ROCK1: variants seen among roughly 807,000 people sequenced by gnomAD.
The protein encoded by ROCK1 is rho-associated protein kinase 1.
A neutral mutation model predicts 196.8 loss-of-function variants in ROCK1; 36 were observed. The ratio of observed to expected loss-of-function variants is 0.18; its 90% CI spans 0.14 to 0.24. The LOEUF is 0.24. Ranked by LOEUF, ROCK1 falls within the 10% of genes least tolerant of loss-of-function variation. The pLI is 1.00. For missense variants in ROCK1, 920 were observed against 1,562.0 expected, an observed-to-expected ratio of 0.59 and a Z score of 6.93; for synonymous variants, 443 against 515.9, an observed-to-expected ratio of 0.86 and a Z score of 1.91.
intron 2 of ROCK1, among the ~76,000 whole-genome samples, chr18:21,065,904 G>T (rs759717991): frequency 6.6e-6 from 1 of 151,984 alleles, no homozygotes; most frequent in Non-Finnish European, 1.5e-5. Flanking sequence ...AAATTAACAG[G>T]TTGCAATATA....
At chr18:21,038,919 G>A (rs1214557669) in intron 9 of ROCK1, among the ~76,000 whole-genome samples, 5 of 152,170 alleles carry the variant, frequency 3.3e-5, no homozygotes, top group Non-Finnish European at 1.5e-5. Flanking sequence ...AAGTAAGAAA[G>A]TGTTCTAAAC....
intron 27 of ROCK1, among the ~76,000 whole-genome samples, chr18:20,962,679 A>G (rs778526797): frequency 6.6e-6 from 1 of 152,172 alleles, no homozygotes; most frequent in Non-Finnish European, 1.5e-5. Flanking sequence ...ACATTTGCTC[A>G]TATTTAAATT....
At chr18:21,073,481 C>A (rs1317868991) in intron 1 of ROCK1, among the ~76,000 whole-genome samples, 1 of 152,042 alleles carries the variant, frequency 6.6e-6, no homozygotes, top group African/African-American at 2.4e-5. Flanking sequence ...CTGGATAAAT[C>A]TGAATTAACA....
At chr18:21,103,175 T>A (rs11876588) in intron 1 of ROCK1, among the ~76,000 whole-genome samples, 4,706 of 152,086 alleles carry the variant, frequency 0.031, 257 homozygotes, top group African/African-American at 0.1. Flanking sequence ...GATATACAAA[T>A]AAAAAATTAC....
At chr18:21,049,961 A>G (rs1434063107) in intron 2 of ROCK1, 81 bp from the exon 3 acceptor site, 3 of 650,124 alleles carry the variant, frequency 4.6e-6, no homozygotes, top group Non-Finnish European at 7.5e-6. Context: ...CGAGTTCTTA[A>G]GAAACACAAT....
At chr18:21,043,596 A>G (rs2036129202) in intron 6 of ROCK1, among the ~76,000 whole-genome samples, 1 of 147,758 alleles carries the variant, frequency 6.8e-6, no homozygotes, top group Non-Finnish European at 1.5e-5. Flanking sequence ...ATACATATAC[A>G]TAATATGTAT....
intron 2 of ROCK1, among the ~76,000 whole-genome samples, chr18:21,059,141 C>T (rs1360645341): frequency 6.6e-6 from 1 of 152,146 alleles, no homozygotes; most frequent in African/African-American, 2.4e-5. Flanking sequence ...AGATAAGATA[C>T]TCCCCACAAC....
At chr18:21,082,071 G>C (rs1479730404) in intron 1 of ROCK1, among the ~76,000 whole-genome samples, 1 of 151,992 alleles carries the variant, frequency 6.6e-6, no homozygotes, top group East Asian at 1.9e-4. Flanking sequence ...TCCAGCCTCA[G>C]CCTCCTGAGT....
intron 24 of ROCK1, 58 bp from the exon 25 acceptor site, chr18:20,968,918 A>C: frequency 8.7e-7 from 1 of 1,155,774 alleles, no homozygotes; most frequent in African/African-American, 1.5e-5. Flanking sequence ...TCTGCATTTC[A>C]AACTAACAAT....
chr18:21,026,444 C>CG lies in ROCK1; in HGVS notation c.1211+2331dup, dbSNP rs1394324054. On this transcript the variant is annotated intron_variant, in intron 10 of 32. Transcript: ENST00000399799. ...GGGCAACAAGAGCAAAACTCTGTCT[C>CG]GAAAAAAAAAAAAAAAAAAAAAAAA... is the stretch of plus-strand genomic sequence containing the variant. 2.2e-4 allele frequency among the ~76,000 whole-genome samples: 17 copies of CG among 77,244 alleles called. No individual in the cohort carries two copies. The Admixed American group carries it at 2.3e-3, about 11-fold the overall frequency. The allele number at this position is 77,244 out of a possible 152,430, so 50.7% of individuals were successfully genotyped here.
chr18:21,091,705 TCA>T, intron 1 of ROCK1, among the ~76,000 whole-genome samples: 1 of 152,344 alleles, frequency 6.6e-6, no homozygotes, highest in African/African-American at 2.4e-5. Context: ...GCAGAGTGGC[TCA>T]CACCTGTAAT....
At chr18:21,074,865 G>C (rs1245479864) in intron 1 of ROCK1, among the ~76,000 whole-genome samples, 3 of 152,164 alleles carry the variant, frequency 2.0e-5, no homozygotes, top group Admixed American at 6.5e-5. Flanking sequence ...GCTTCACAGA[G>C]AAGATGAAAT....
At chr18:21,045,696 T>C (rs1453404056) in intron 4 of ROCK1, among the ~76,000 whole-genome samples, 1 of 152,178 alleles carries the variant, frequency 6.6e-6, no homozygotes, top group East Asian at 1.9e-4. Context: ...ATATCCTTTC[T>C]TCATAATTTT....
At chr18:21,091,586 G>C (rs1347336582) in intron 1 of ROCK1, among the ~76,000 whole-genome samples, 2 of 152,146 alleles carry the variant, frequency 1.3e-5, no homozygotes, top group Admixed American at 6.5e-5. Context: ...CTGGGTGACA[G>C]AGCGAGATTC....
Position 20,966,933 on chromosome 18 carries a change from A to T in ROCK1, c.3336T>A (p.Thr1112=). ...SVASFPSADE[T]DGNLPESRIE... ...TATTCTTACCTGGGAGGTTACCATC[A>T]GTTTCATCAGCACTAGGAAAACTAG... Residue 1112 remains threonine, a synonymous_variant, in exon 27 of 33, where the codon ACT becomes ACA. Transcript: ENST00000399799. The T allele has an allele frequency of 1.2e-5, 20 of 1,612,204 alleles. No homozygotes were observed. The highest frequency in any genetic ancestry group is 1.7e-5 in the Non-Finnish European group (20 of 1,178,816).
intron 13 of ROCK1, among the ~76,000 whole-genome samples, chr18:21,010,082 CCTCT>C (rs888308711): frequency 3.9e-5 from 6 of 152,036 alleles, no homozygotes; most frequent in Non-Finnish European, 7.4e-5. Flanking sequence ...TAATTTGTGT[CCTCT>C]CTTTTTCCTT....
intron 22 of ROCK1, among the ~76,000 whole-genome samples, chr18:20,979,090 A>G (rs1421632786): frequency 6.6e-6 from 1 of 152,092 alleles, no homozygotes; most frequent in Non-Finnish European, 1.5e-5. Flanking sequence ...CACTTGAAAT[A>G]GCTTTATAAG....
chr18:20,948,820 C>T lies in ROCK1; in HGVS notation c.*2564G>A, dbSNP rs140699989. The T allele has an allele frequency of 0.11, 14,285 of 132,426 alleles. No homozygotes were observed. The highest frequency in any genetic ancestry group is 0.19 in the African/African-American group (6,583 of 34,286). The allele number at this position is 132,426 out of a possible 1,614,324, so 8.2% of individuals were successfully genotyped here. ...AGATGCAGGCTGTGCTAAATGCCAGCAAGCAGGGTCATGGAAGTGCCTTTT... is the reference window on the plus strand; with the variant it reads ...AGATGCAGGCTGTGCTAAATGCCAGTAAGCAGGGTCATGGAAGTGCCTTTT... On this transcript the variant is annotated 3_prime_UTR_variant, in exon 33 of 33. Coordinates refer to ENST00000399799, the MANE Select transcript of ROCK1 (RefSeq NM_005406.3).
chr18:21,103,423 A>G (rs1443969512), intron 1 of ROCK1, among the ~76,000 whole-genome samples: 1 of 152,006 alleles, frequency 6.6e-6, no homozygotes, highest in Admixed American at 6.5e-5. Context: ...AGTGTAATAA[A>G]CAAAGTCTCA....
Sources: allele counts gnomAD v4.1 joint callset (sites outside exome capture counted in the v4.1 genomes callset), GRCh38; gene constraint gnomAD v4.1.1; transcripts MANE v1.5; gene names NCBI Gene and HGNC (gene_info 2026-07-23, HGNC 2026-07-21).